The following N4BP2L1 variants were observed in gnomAD, a reference collection of about 807,000 sequenced individuals.
The protein encoded by N4BP2L1 is NEDD4-binding protein 2-like 1.
N4BP2L1 carries 12 observed loss-of-function variants against 21.2 expected under a neutral mutation model. The observed-to-expected ratio is 0.57, with a 90% CI of 0.36 to 0.92. The LOEUF (loss-of-function observed/expected upper bound fraction) is 0.92, where lower values mean the gene tolerates loss of function less well. N4BP2L1 is among the 40% of genes least tolerant of loss of function. The pLI is 0.01. For missense variants in N4BP2L1, 259 were observed against 310.6 expected, an observed-to-expected ratio of 0.83 and a Z score of 1.25; for synonymous variants, 104 against 112.8, an observed-to-expected ratio of 0.92 and a Z score of 0.49.
Position 32,427,938 on chromosome 13 carries a change from C to T in N4BP2L1, c.145G>A (p.Gly49Ser). The change falls in exon 1 of 5, where the codon GGC (glycine) becomes AGC (serine). Residue 49 changes from glycine (G) to serine (S), a missense_variant. Gly to Ser is a moderately conservative substitution (Grantham distance 56, BLOSUM62 0). Around this residue, in one of 3 missense-constraint regions of N4BP2L1, gnomAD observed 91 missense variants for 148.1 expected, o/e 0.61. Coordinates refer to ENST00000380130, the MANE Select transcript of N4BP2L1 (RefSeq NM_052818.3). The stretch of plus-strand genomic sequence containing the variant: ...GTAGTTTTCCCGGAGCCCGGGAGGC[C>T]TCGCAGGAGGTAGAGGTGTTTCCTA... ...SFRKHLYLLR[G>S]LPGSGKTTLA... is the part of the protein sequence containing the mutation. The T allele has an allele frequency of 6.5e-7, 1 of 1,527,284 alleles. No individual in the cohort carries two copies. The highest frequency in any genetic ancestry group is 8.8e-7 in the Non-Finnish European group (1 of 1,136,292). 94.6% of individuals were successfully genotyped at this position (1,527,284 alleles called of 1,614,324 possible).
At chr13:32,417,393 C>T (rs944147195) in intron 1 of N4BP2L1, among the ~76,000 whole-genome samples, 2 of 151,930 alleles carry the variant, frequency 1.3e-5, no homozygotes, top group South Asian at 2.1e-4. Context: ...GGGCTTTTTC[C>T]CCTTTTGCTC....
intron 1 of N4BP2L1, among the ~76,000 whole-genome samples, chr13:32,427,038 C>T (rs1260292645): frequency 1.3e-5 from 2 of 152,228 alleles, no homozygotes; most frequent in Non-Finnish European, 2.9e-5. Flanking sequence ...GCTGGAACAT[C>T]AAGCGCAAGG....
chr13:32,407,202 C>A (rs773541372), intron 3 of N4BP2L1, 48 bp downstream of exon 3: 1 of 1,562,438 alleles, frequency 6.4e-7, no homozygotes, highest in Admixed American at 1.7e-5. Flanking sequence ...CTTCAACTTT[C>A]TCACAAAATG....
At chr13:32,427,593 G>C (rs1950655260) in intron 1 of N4BP2L1, among the ~76,000 whole-genome samples, 1 of 152,060 alleles carries the variant, frequency 6.6e-6, no homozygotes, top group African/African-American at 2.4e-5. Flanking sequence ...TGGGGCTTGC[G>C]CGAGGCGCAG....
chr13:32,401,607 T>C lies in N4BP2L1; in HGVS notation c.*1335A>G, dbSNP rs879241621. 6.6e-6 allele frequency: 1 copy of C among 152,310 alleles called. No homozygotes were observed. Among genetic ancestry groups the C allele is most frequent in the African/African-American group, 2.4e-5 (1 of 41,354 alleles). The allele number at this position is 152,310 out of a possible 1,614,324, so 9.4% of individuals were successfully genotyped here. ...CATTACCTTTACGATTCCTATTTAT[T>C]AAAAAAAAGACTGGTAAATAAGCCT... On this transcript the variant is annotated 3_prime_UTR_variant, in exon 5 of 5. Coordinates refer to ENST00000380130, the MANE Select transcript of N4BP2L1 (RefSeq NM_052818.3).
At position 32,428,100 on chromosome 13, in the gene N4BP2L1, G is replaced by T. The variant is rs759771573; in HGVS notation, c.-18C>A. Reference sequence around the variant, plus strand: ...TCCTCCATGGGCAGGAGGGCTGGCTGCGAGAGCCCCGGGTTCCCTTTACTG... The same window carrying T: ...TCCTCCATGGGCAGGAGGGCTGGCTTCGAGAGCCCCGGGTTCCCTTTACTG... On this transcript the variant is annotated 5_prime_UTR_variant, in exon 1 of 5. Transcript: ENST00000380130. 4 of 1,436,404 alleles carry T rather than the reference G, an allele frequency of 2.8e-6. No individual in the cohort carries two copies. The highest frequency in any genetic ancestry group is 3.7e-6 in the Non-Finnish European group (4 of 1,091,382). 89.0% of individuals were successfully genotyped at this position (1,436,404 alleles called of 1,614,324 possible).
intron 1 of N4BP2L1, among the ~76,000 whole-genome samples, chr13:32,427,128 G>C (rs1439024793): frequency 6.6e-6 from 1 of 152,250 alleles, no homozygotes; most frequent in East Asian, 1.9e-4. Context: ...AATTCCCAGA[G>C]GTTGGGTACC....
Position 32,401,426 on chromosome 13 carries a change from A to C in N4BP2L1, c.*1516T>G, listed in dbSNP as rs1156662298. On this transcript the variant is annotated 3_prime_UTR_variant, in exon 5 of 5. Coordinates refer to ENST00000380130, the MANE Select transcript of N4BP2L1 (RefSeq NM_052818.3). ...TGTCAGCCAAACTTACTCAAAGGAG[A>C]TACCAGTTTTTAAAATGTTAGTGAA... The C allele has an allele frequency of 6.6e-6, 1 of 152,216 alleles. No homozygotes were observed. The highest frequency in any genetic ancestry group is 1.9e-4 in the East Asian group (1 of 5,200). 9.4% of individuals were successfully genotyped at this position (152,216 alleles called of 1,614,324 possible).
At chr13:32,418,438 G>A (rs1040203446) in intron 1 of N4BP2L1, among the ~76,000 whole-genome samples, 1 of 152,246 alleles carries the variant, frequency 6.6e-6, no homozygotes, top group Non-Finnish European at 1.5e-5. Context: ...TCCAGGCAGA[G>A]GTGTGCTGCA....
rs1307495650 is a variant in N4BP2L1, at chr13:32,407,400, A to G, written c.308-62T>C. Reference sequence around the variant, plus strand: ...AACAATCAGAGGGAAGGTGAGCGTAATCTCTATTCGTCATTTTTATTACAG... The same window carrying G: ...AACAATCAGAGGGAAGGTGAGCGTAGTCTCTATTCGTCATTTTTATTACAG... On this transcript the variant is annotated intron_variant, in intron 2 of 4. Transcript: ENST00000380130. The G allele has an allele frequency of 7.4e-6, 12 of 1,612,556 alleles. No homozygotes were observed. The East Asian group carries it at 2.7e-4, about 36-fold the overall frequency.
At position 32,407,617 on chromosome 13, in the gene N4BP2L1, C is replaced by T. The variant is rs2073606928; in HGVS notation, c.307+28G>A. 9 of 1,610,968 alleles carry T rather than the reference C, an allele frequency of 5.6e-6. No homozygotes were observed. In the East Asian group the frequency reaches 1.8e-4, roughly 32 times the overall value. ...ACAATCTATGTGCACATCAGGGTTT[C>T]CCAGGAGTTTGGGAAGGAATTTGTC... On this transcript the variant is annotated intron_variant, in intron 2 of 4. Transcript: ENST00000380130.
At chr13:32,424,415 A>G (rs1049432849) in intron 1 of N4BP2L1, among the ~76,000 whole-genome samples, 1 of 152,164 alleles carries the variant, frequency 6.6e-6, no homozygotes, top group African/African-American at 2.4e-5. Context: ...TTCACCACCA[A>G]CAGCATTTGA....
intron 1 of N4BP2L1, among the ~76,000 whole-genome samples, chr13:32,409,655 A>G (rs1375029700): frequency 6.6e-6 from 1 of 152,230 alleles, no homozygotes; most frequent in Non-Finnish European, 1.5e-5. Flanking sequence ...AAGCTGGCCC[A>G]GCAAAGCGCT....
At chr13:32,410,293 G>C (rs1291374317) in intron 1 of N4BP2L1, among the ~76,000 whole-genome samples, 1 of 152,200 alleles carries the variant, frequency 6.6e-6, no homozygotes, top group Non-Finnish European at 1.5e-5. Flanking sequence ...TTCTGAAAGA[G>C]CCTCACCCAG....
At chr13:32,419,256 T>C (rs1443379046) in intron 1 of N4BP2L1, among the ~76,000 whole-genome samples, 1 of 143,550 alleles carries the variant, frequency 7.0e-6, no homozygotes, top group Admixed American at 6.9e-5. Context: ...TTTTTTTTTT[T>C]TTTTTTTGAG....
intron 1 of N4BP2L1, among the ~76,000 whole-genome samples, chr13:32,417,425 C>G (rs961531466): frequency 1.3e-5 from 2 of 152,128 alleles, no homozygotes; most frequent in Non-Finnish European, 2.9e-5. Context: ...TTGCTGTCAC[C>G]ATGTGAGGAT....
chr13:32,402,476 CATAGATTATCAAAGTAGCA>C lies in N4BP2L1; in HGVS notation c.*447_*465del. ...GTCGCACATCTCACATTTTTAGATA[CATAGATTATCAAAGTAGCA>C]ATGGCACTTTGATAAGTAGCAATGC... is the stretch of plus-strand genomic sequence containing the variant. On this transcript the variant is annotated 3_prime_UTR_variant, in exon 5 of 5. Coordinates refer to ENST00000380130, the MANE Select transcript of N4BP2L1 (RefSeq NM_052818.3). 1 of 966,834 alleles carries C rather than the reference CATAGATTATCAAAGTAGCA, an allele frequency of 1.0e-6. No homozygotes were observed. The highest frequency in any genetic ancestry group is 4.8e-5 in the South Asian group (1 of 20,966). The allele number at this position is 966,834 out of a possible 1,614,324, so 59.9% of individuals were successfully genotyped here. A position where few individuals can be genotyped will look rare whatever the true frequency, so the allele number is the denominator to read the frequency against.
At chr13:32,412,641 CAAAAA>C (rs777196869) in intron 1 of N4BP2L1, among the ~76,000 whole-genome samples, 1 of 101,032 alleles carries the variant, frequency 9.9e-6, no homozygotes, top group Non-Finnish European at 2.0e-5. Context: ...TCAACTGTCT[CAAAAA>C]AAAAAAAAAA....
rs972318139 is a variant in N4BP2L1, at chr13:32,418,674, G to C, written c.179+9230C>G. 3.3e-5 allele frequency among the ~76,000 whole-genome samples: 5 copies of C among 152,364 alleles called. No individual in the cohort carries two copies. The South Asian group carries it at 1.0e-3, about 32-fold the overall frequency. Reference sequence around the variant, plus strand: ...GCTTGTGAAAGCAGCCAGGAGTGGAGCTGTACCTTGCAAAGCCACAGGGGT... The same window carrying C: ...GCTTGTGAAAGCAGCCAGGAGTGGACCTGTACCTTGCAAAGCCACAGGGGT... On this transcript the variant is annotated intron_variant, in intron 1 of 4. Transcript: ENST00000380130.
Sources: gnomAD v4.1 joint callset for allele counts (sites outside exome capture counted in the v4.1 genomes callset) on GRCh38, gnomAD v4.1.1 for gene constraint, gnomAD v4.1.1 regional missense constraint, MANE v1.5 for transcripts, NCBI Gene and HGNC (gene_info 2026-07-23, HGNC 2026-07-21) for gene names.